Variants in CROCC2 observed in about 807,000 individuals in gnomAD.
CROCC2 encodes ciliary rootlet coiled-coil, rootletin family member 2, also known as ciliary rootlet coiled-coil protein 2.
A neutral mutation model predicts 177.6 loss-of-function variants in CROCC2; 163 were observed. The observed-to-expected ratio is 0.92, with a 90% CI of 0.81 to 1.05. CROCC2 has a LOEUF of 1.05. Ranked by LOEUF, CROCC2 falls within the 50% of genes least tolerant of loss-of-function variation. CROCC2 has a pLI of 0.00. For synonymous variants in CROCC2, 904 were observed against 787.3 expected (o/e 1.15, Z -2.48); for missense variants, 1,929 against 1,797.8 (o/e 1.07, Z -1.32).
intron 1 of CROCC2, among the ~76,000 whole-genome samples, chr2:240,916,879 G>A (rs1371605124): frequency 2.0e-5 from 3 of 152,132 alleles, no homozygotes; most frequent in Non-Finnish European, 4.4e-5. Flanking sequence ...CTGGGCCTCC[G>A]TTCTCCGCTG....
rs1470666490 is a variant in CROCC2 at position 240,950,408 on chromosome 2, G to A, written c.2727G>A (p.Val909=). The change falls in exon 18 of 32, where the codon GTG becomes GTA. Residue 909 remains valine (V), a synonymous_variant. Coordinates refer to ENST00000690015, the MANE Select transcript of CROCC2 (RefSeq NM_001351305.2). ...RCQLEQEKEL[V]TKSAAEREAL... is the part of the protein sequence containing the mutation. ...AGCTGGAGCAGGAGAAGGAGCTGGTGACAAAAAGTGCAGCTGAGAGGGAGG... is the reference window on the plus strand; with the variant it reads ...AGCTGGAGCAGGAGAAGGAGCTGGTAACAAAAAGTGCAGCTGAGAGGGAGG... The A allele has an allele frequency of 6.5e-7, 1 of 1,550,368 alleles. No individual in the cohort carries two copies. The highest frequency in any genetic ancestry group is 1.2e-5 in the South Asian group (1 of 84,064).
intron 1 of CROCC2, among the ~76,000 whole-genome samples, chr2:240,915,687 G>A (rs762558086): frequency 2.6e-5 from 4 of 152,130 alleles, no homozygotes; most frequent in Non-Finnish European, 4.4e-5. Context: ...ATGGGGTGGC[G>A]CAGCAGTGAG....
At chr2:240,985,777 A>ACT (rs1559192935) in intron 28 of CROCC2, 1 of 226,594 alleles carries the variant, frequency 4.4e-6, no homozygotes, top group Non-Finnish European at 8.6e-6. Context: ...CCAGGCACTC[A>ACT]GCACACACCC....
rs1051960558 is a variant in CROCC2, at chr2:240,953,289, C to T, written c.2830-2570C>T. Among the ~76,000 whole-genome samples the T allele has an allele frequency of 6.6e-6, 1 of 152,006 alleles. No homozygotes were observed. The highest frequency in any genetic ancestry group is 1.5e-5 in the Non-Finnish European group (1 of 67,990). On this transcript the variant is annotated intron_variant, in intron 18 of 31. Coordinates refer to ENST00000690015, the MANE Select transcript of CROCC2 (RefSeq NM_001351305.2). This position sits in a 1 kb window ranked among gnomAD's most constrained non-coding sequence, Gnocchi z 4.0. Reference sequence around the variant, plus strand: ...AATTAGCTGGGTGTGGTGGTGGGTGCCTGTAATCCCCGCTACTCAGGAGGC... The same window carrying T: ...AATTAGCTGGGTGTGGTGGTGGGTGTCTGTAATCCCCGCTACTCAGGAGGC...
In CROCC2 at chr2:240,949,009, C is replaced by T. The variant is rs1449926342; in HGVS notation, c.2394C>T (p.Leu798=). 1 of 1,550,252 alleles carries T rather than the reference C, an allele frequency of 6.5e-7. No individual in the cohort carries two copies. Among genetic ancestry groups the T allele is most frequent in the South Asian group, 1.2e-5 (1 of 84,032 alleles). The change falls in exon 16 of 32, where the codon CTC becomes CTT. Residue 798 remains leucine, a synonymous_variant. Transcript: ENST00000690015. This position sits in a 1 kb window ranked among gnomAD's most constrained non-coding sequence, Gnocchi z 4.5. ...RVERDSLESS[L]LEAQQLATKL... ...AGAGGGACTCCCTGGAGAGCAGCCT[C>T]CTTGAGGCCCAACAGCTGGCCACAA...
intron 28 of CROCC2, among the ~76,000 whole-genome samples, chr2:240,987,867 C>T (rs775367907): frequency 2.6e-5 from 4 of 152,234 alleles, no homozygotes; most frequent in African/African-American, 7.2e-5. Context: ...CCTGCCTCAG[C>T]GCCTGCCTGG....
chr2:240,944,340 G>A (rs537918660), intron 14 of CROCC2, among the ~76,000 whole-genome samples: 6 of 152,128 alleles, frequency 3.9e-5, no homozygotes, highest in Non-Finnish European at 8.8e-5. Flanking sequence ...TTTTAAGTCT[G>A]TGGCTAGATG....
chr2:240,967,248 C>A lies in CROCC2; in HGVS notation c.4147-97C>A, dbSNP rs372803535. 5 of 528,242 alleles carry A rather than the reference C, an allele frequency of 9.5e-6. No individual in the cohort carries two copies. In the African/African-American group the frequency reaches 9.6e-5, roughly 10 times the overall value. 32.7% of individuals were successfully genotyped at this position (528,242 alleles called of 1,614,324 possible). ...TGCCCTGCACACCTGCAGGCCAGAC[C>A]GTGAGCGGCCCCAGCTGGCCCCGAC... On this transcript the variant is annotated intron_variant, in intron 25 of 31. Transcript: ENST00000690015.
chr2:240,909,574 C>T (rs563105646), intron 1 of CROCC2, among the ~76,000 whole-genome samples: 3 of 152,298 alleles, frequency 2.0e-5, no homozygotes, highest in South Asian at 2.1e-4. Flanking sequence ...CTGTGGTTAG[C>T]GGCTGGTCTG....
intron 30 of CROCC2, 44 bp downstream of exon 30, chr2:240,989,877 G>C (rs1382123245): frequency 6.7e-7 from 1 of 1,493,060 alleles, no homozygotes; most frequent in Non-Finnish European, 9.0e-7. Flanking sequence ...AAGAGGCAGG[G>C]ACAGAGGACT....
chr2:240,919,512 G>A (rs977636224), intron 2 of CROCC2, among the ~76,000 whole-genome samples: 2 of 152,108 alleles, frequency 1.3e-5, no homozygotes, highest in Admixed American at 6.5e-5. Flanking sequence ...GGACTCCCTC[G>A]TGCATGGGTC....
chr2:240,982,877 C>T lies in CROCC2; in HGVS notation c.4402-3C>T, dbSNP rs144624356. The T allele has an allele frequency of 5.6e-5, 86 of 1,547,148 alleles. No homozygotes were observed. In the African/African-American group the frequency reaches 9.6e-4, roughly 17 times the overall value. On this transcript the variant is annotated splice_region_variant and splice_polypyrimidine_tract_variant and intron_variant, in intron 27 of 31. Coordinates refer to ENST00000690015, the MANE Select transcript of CROCC2 (RefSeq NM_001351305.2). This position sits in a 1 kb window ranked among gnomAD's most constrained non-coding sequence, Gnocchi z 4.7. ...GGTGGACCCTGTGTCTCCTTCCCCCCAGGAGCAACTGGAAACGCTGCGCCA... is the reference window on the plus strand; with the variant it reads ...GGTGGACCCTGTGTCTCCTTCCCCCTAGGAGCAACTGGAAACGCTGCGCCA...
At chr2:240,957,508 G>C (rs74000202) in intron 19 of CROCC2, 1 of 152,260 alleles carries the variant, frequency 6.6e-6, no homozygotes, top group Non-Finnish European at 1.5e-5. Context: ...GCCGCCTGCT[G>C]GGGGGCCGGG....
At chr2:240,986,932 C>T (rs1335168586) in intron 28 of CROCC2, among the ~76,000 whole-genome samples, 2 of 152,212 alleles carry the variant, frequency 1.3e-5, no homozygotes, top group Non-Finnish European at 2.9e-5. Flanking sequence ...CAAGGACTCA[C>T]TGCCACCTGC....
At position 240,964,482 on chromosome 2, in the gene CROCC2, G is replaced by A; in HGVS notation, c.3322G>A (p.Glu1108Lys). The A allele has an allele frequency of 2.6e-6, 4 of 1,548,760 alleles. No individual in the cohort carries two copies. The highest frequency in any genetic ancestry group is 3.5e-6 in the Non-Finnish European group (4 of 1,146,834). Residue 1108 changes from glutamate to lysine, a missense_variant, in exon 22 of 32, where the codon GAG becomes AAG. Coordinates refer to ENST00000690015, the MANE Select transcript of CROCC2 (RefSeq NM_001351305.2). ...CCTCGTCAGTTTTAAGCGGTCCAAGGAGGAGAAGGAGCAGAAGCTGCTCAT... is the reference window on the plus strand; with the variant it reads ...CCTCGTCAGTTTTAAGCGGTCCAAGAAGGAGAAGGAGCAGAAGCTGCTCAT... ...QEKASFKRSK[E>K]EKEQKLLILE...
chr2:240,973,734 C>T lies in CROCC2; in HGVS notation c.4401+5472C>T, dbSNP rs2059739343. 6.6e-6 allele frequency among the ~76,000 whole-genome samples: 1 copy of T among 152,250 alleles called. No individual in the cohort carries two copies. The highest frequency in any genetic ancestry group is 1.5e-5 in the Non-Finnish European group (1 of 68,050). On this transcript the variant is annotated intron_variant, in intron 27 of 31. Transcript: ENST00000690015. This position sits in a 1 kb window ranked among gnomAD's most constrained non-coding sequence, Gnocchi z 4.7. ...AGCCACAGTCAGACTTGATTACTCT[C>T]AGTGTTTTGTCAAGAATTTTTGCAT...
intron 28 of CROCC2, chr2:240,983,472 A>C: frequency 8.0e-7 from 1 of 1,243,454 alleles, no homozygotes; most frequent in South Asian, 1.3e-5. Flanking sequence ...GAGGCGGCCG[A>C]GGCGCAGGCG....
At chr2:240,913,088 C>T (rs2106449859) in intron 1 of CROCC2, among the ~76,000 whole-genome samples, 1 of 152,358 alleles carries the variant, frequency 6.6e-6, no homozygotes, top group East Asian at 1.9e-4. Flanking sequence ...CGGGCCCATC[C>T]TCCCGCTCAG....
chr2:240,937,419 T>C (rs558273897), intron 14 of CROCC2, among the ~76,000 whole-genome samples: 3 of 152,266 alleles, frequency 2.0e-5, no homozygotes, highest in Non-Finnish European at 2.9e-5. Context: ...TGGATACAAG[T>C]ACCTTGTCAG....
Sources: allele counts gnomAD v4.1 joint callset (sites outside exome capture counted in the v4.1 genomes callset), GRCh38; gene constraint gnomAD v4.1.1; non-coding constraint Gnocchi (gnomAD v3.1); transcripts MANE v1.5; gene names NCBI Gene and HGNC (gene_info 2026-07-23, HGNC 2026-07-21).